The following GNB4 variants were observed in gnomAD, a reference collection of about 807,000 sequenced individuals.
GNB4 encodes G protein subunit beta 4, also known as guanine nucleotide-binding protein subunit beta-4.
A neutral mutation model predicts 45.2 loss-of-function variants in GNB4; 28 were observed. The observed-to-expected ratio is 0.62, with a 90% CI of 0.46 to 0.85. The LOEUF is 0.85. GNB4 is among the 40% of genes least tolerant of loss of function. The probability of loss-of-function intolerance (pLI) is 0.00; values close to 1 mark genes in which losing one functional copy is unlikely to be tolerated. For missense variants in GNB4, 321 were observed against 425.4 expected (o/e 0.75, Z 2.16); for synonymous variants, 132 against 143.7 (o/e 0.92, Z 0.58).
At chr3:179,526,497 CAG>C in the GNB4 span, among the ~76,000 whole-genome samples, 1 of 152,184 alleles carries the variant, frequency 6.6e-6, no homozygotes, top group South Asian at 2.1e-4. Flanking sequence ...AAATATCCCT[CAG>C]AAGATTCTGA....
At chr3:179,478,839 C>G in the GNB4 span, among the ~76,000 whole-genome samples, 1 of 152,190 alleles carries the variant, frequency 6.6e-6, no homozygotes, top group Non-Finnish European at 1.5e-5. Flanking sequence ...GCACCATCAT[C>G]CTAGTGATGT....
At chr3:179,425,588 A>T (rs1016347577) in intron 2 of GNB4, among the ~76,000 whole-genome samples, 1 of 152,180 alleles carries the variant, frequency 6.6e-6, no homozygotes, top group Admixed American at 6.5e-5. Context: ...CTCCTGCCTC[A>T]GCCTCCCAAG....
chr3:179,422,697 T>C (rs2108599197), intron 2 of GNB4, among the ~76,000 whole-genome samples: 1 of 152,326 alleles, frequency 6.6e-6, no homozygotes, highest in South Asian at 2.1e-4. Context: ...AAATCATCTA[T>C]TATAATACAT....
intron 1 of GNB4, among the ~76,000 whole-genome samples, chr3:179,446,762 G>A (rs1559983224): frequency 6.6e-6 from 1 of 152,212 alleles, no homozygotes; most frequent in East Asian, 1.9e-4. Flanking sequence ...CAGAGAAGCT[G>A]TAGCAGCATC....
At chr3:179,526,915 T>C in the GNB4 span, among the ~76,000 whole-genome samples, 1 of 152,182 alleles carries the variant, frequency 6.6e-6, no homozygotes, top group Non-Finnish European at 1.5e-5. Flanking sequence ...AAAAATTAAT[T>C]TTATATATGA....
At chr3:179,430,693 C>G (rs537494245) in intron 1 of GNB4, among the ~76,000 whole-genome samples, 90 of 150,434 alleles carry the variant, frequency 6.0e-4, no homozygotes, top group African/African-American at 2.0e-3. Flanking sequence ...CTGGCCTCAA[C>G]TGGTCCTCCC....
chr3:179,407,777 G>GAA (rs35646980), intron 8 of GNB4, among the ~76,000 whole-genome samples: 106,521 of 151,770 alleles, frequency 0.7, 37,722 homozygotes, highest in African/African-American at 0.78. Context: ...AGCTGCAAAA[G>GAA]ACACCCAAAA....
At chr3:179,527,308 A>G in the GNB4 span, among the ~76,000 whole-genome samples, 1 of 152,220 alleles carries the variant, frequency 6.6e-6, no homozygotes, top group African/African-American at 2.4e-5. Context: ...CTGAGTGCAG[A>G]CAGAGTGAAG....
At chr3:179,493,525 C>CAA in the GNB4 span, among the ~76,000 whole-genome samples, 1 of 117,538 alleles carries the variant, frequency 8.5e-6, no homozygotes, top group African/African-American at 3.4e-5. Context: ...TATCCAGTCT[C>CAA]AAAAAAAAAA....
At chr3:179,509,284 G>T in the GNB4 span, among the ~76,000 whole-genome samples, 1 of 151,888 alleles carries the variant, frequency 6.6e-6, no homozygotes, top group East Asian at 1.9e-4. Context: ...AGGTGGTGGA[G>T]ATCTGGAGAA....
upstream of GNB4, among the ~76,000 whole-genome samples, chr3:179,455,468 G>A (rs1245679684): frequency 6.6e-6 from 1 of 152,166 alleles, no homozygotes; most frequent in East Asian, 1.9e-4. Flanking sequence ...AAATGAAGGT[G>A]CTGAATTCTA....
In GNB4 at chr3:179,397,175, C is replaced by G. The variant is rs1259064018; in HGVS notation, c.*4038G>C. The G allele has an allele frequency of 2.0e-5, 3 of 152,112 alleles. No individual in the cohort carries two copies. The highest frequency in any genetic ancestry group is 7.2e-5 in the African/African-American group (3 of 41,414). The allele number at this position is 152,112 out of a possible 1,614,324, so 9.4% of individuals were successfully genotyped here. ...ATGGGGGATTGTTTAACCAGTTTTC[C>G]TAAGTTAAACCAAGAATAAGCCACA... On this transcript the variant is annotated 3_prime_UTR_variant, in exon 10 of 10. Coordinates refer to ENST00000232564, the MANE Select transcript of GNB4 (RefSeq NM_021629.4).
chr3:179,518,622 G>A, the GNB4 span, among the ~76,000 whole-genome samples: 10 of 152,098 alleles, frequency 6.6e-5, no homozygotes, highest in Non-Finnish European at 1.5e-4. Flanking sequence ...CCGGCTAACA[G>A]TTTCATTCTG....
At chr3:179,500,430 C>G in the GNB4 span, among the ~76,000 whole-genome samples, 1 of 152,118 alleles carries the variant, frequency 6.6e-6, no homozygotes, top group Non-Finnish European at 1.5e-5. Flanking sequence ...CCGTTCTGTT[C>G]CATTGGTCTA....
rs139774004 is a variant in GNB4 at position 179,405,280 on chromosome 3, C to T, written c.826G>A (p.Val276Ile). 1.1e-5 allele frequency: 18 copies of T among 1,614,158 alleles called. No individual in the cohort carries two copies. Among genetic ancestry groups the T allele is most frequent in the Admixed American group, 1.7e-5 (1 of 60,022 alleles). ...AGACGCCCACTTTTTGAGAAGGCTACAGAAGTGATTCCACAGATGATATTG... is the reference window on the plus strand; with the variant it reads ...AGACGCCCACTTTTTGAGAAGGCTATAGAAGTGATTCCACAGATGATATTG... Reference protein sequence around the residue: ...HDNIICGITSVAFSKSGRLLL... With the variant: ...HDNIICGITSIAFSKSGRLLL... The change falls in exon 9 of 10, where the codon GTA (valine) becomes ATA (isoleucine). Residue 276 changes from valine (V) to isoleucine (I), a missense_variant. Val to Ile is a conservative substitution (Grantham distance 29). Transcript: ENST00000232564.
the GNB4 span, among the ~76,000 whole-genome samples, chr3:179,468,035 A>AAAAAAAAAAAAAAAATATAT: frequency 5.6e-5 from 5 of 89,864 alleles, no homozygotes; most frequent in Middle Eastern, 6.4e-3. Flanking sequence ...TGTTGATAAA[A>AAAAAAAAAAAAAAAATATAT]ATATATATAT....
chr3:179,435,162 C>T (rs753828613), intron 1 of GNB4, among the ~76,000 whole-genome samples: 25 of 152,146 alleles, frequency 1.6e-4, no homozygotes, highest in Non-Finnish European at 3.7e-4. Flanking sequence ...GAAACCCAGG[C>T]TGTTTACCAC....
At chr3:179,516,978 A>C in the GNB4 span, among the ~76,000 whole-genome samples, 1 of 152,184 alleles carries the variant, frequency 6.6e-6, no homozygotes, top group Non-Finnish European at 1.5e-5. Flanking sequence ...AAGAGTTTTT[A>C]TTAAAGAGGC....
At chr3:179,498,005 G>T in the GNB4 span, among the ~76,000 whole-genome samples, 1 of 152,168 alleles carries the variant, frequency 6.6e-6, no homozygotes, top group Non-Finnish European at 1.5e-5. Flanking sequence ...AAATTAAAAA[G>T]AGAACTACCT....
Sources: allele counts gnomAD v4.1 joint callset (sites outside exome capture counted in the v4.1 genomes callset), GRCh38; gene constraint gnomAD v4.1.1; transcripts MANE v1.5; gene names NCBI Gene and HGNC (gene_info 2026-07-23, HGNC 2026-07-21).